Variants in DSCAM observed in about 807,000 individuals in gnomAD.
DSCAM encodes the protein cell adhesion molecule DSCAM.
In DSCAM, 47 loss-of-function variants were observed where a neutral mutation model predicts 217.7. The ratio of observed to expected loss-of-function variants is 0.22; its 90% CI spans 0.17 to 0.28. The LOEUF is 0.28. DSCAM is among the 10% of genes least tolerant of loss of function. The pLI is 1.00. For missense variants in DSCAM, 2,080 were observed against 2,618.3 expected (o/e 0.79, Z 4.49); for synonymous variants, 1,056 against 1,015.3 (o/e 1.04, Z -0.76).
chr21:40,048,164 A>G (rs28701818), intron 30 of DSCAM, among the ~76,000 whole-genome samples: 2,089 of 152,310 alleles, frequency 0.014, 45 homozygotes, highest in African/African-American at 0.047. Context: ...ACCCACGTTA[A>G]GAGCTGTCCT....
chr21:40,564,462 T>C (rs907121269), intron 3 of DSCAM, among the ~76,000 whole-genome samples: 3 of 152,180 alleles, frequency 2.0e-5, no homozygotes, highest in African/African-American at 7.2e-5. Flanking sequence ...TTACTCAGCG[T>C]TGACCTCCCA....
At chr21:40,271,255 G>T (rs532627423) in intron 11 of DSCAM, among the ~76,000 whole-genome samples, 1 of 152,340 alleles carries the variant, frequency 6.6e-6, no homozygotes, top group South Asian at 2.1e-4. Context: ...AACTTTGGGA[G>T]CTTGGGGGTT....
At chr21:40,780,836 C>G (rs2091537064) in intron 1 of DSCAM, among the ~76,000 whole-genome samples, 1 of 152,016 alleles carries the variant, frequency 6.6e-6, no homozygotes, top group Non-Finnish European at 1.5e-5. Flanking sequence ...AGCCACTAGT[C>G]TGAAGTACTT....
In DSCAM at chr21:40,179,043, G is replaced by A. The variant is rs776917269; in HGVS notation, c.2831C>T (p.Ser944Leu). 22 of 1,613,952 alleles carry A rather than the reference G, an allele frequency of 1.4e-5. No individual in the cohort carries two copies. The highest frequency in any genetic ancestry group is 1.9e-5 in the Non-Finnish European group (22 of 1,180,024). Residue 944 changes from serine to leucine, a missense_variant, in exon 15 of 33, where the codon TCG becomes TTG. Transcript: ENST00000400454. ...RTKDVSPQLN[S>L]ATIIDIHPSS... The stretch of plus-strand genomic sequence containing the variant: ...AGGGTGGATATCAATGATGGTGGCC[G>A]AGTTCAGCTGAGGGGAAACATCTTT...
At chr21:40,774,271 A>G (rs763278656) in intron 1 of DSCAM, among the ~76,000 whole-genome samples, 1 of 152,262 alleles carries the variant, frequency 6.6e-6, no homozygotes, top group Non-Finnish European at 1.5e-5. Context: ...AGCATAATTC[A>G]TAGTGGAAAG....
At chr21:40,348,165 A>G (rs369872904) in intron 5 of DSCAM, among the ~76,000 whole-genome samples, 4 of 152,270 alleles carry the variant, frequency 2.6e-5, no homozygotes, top group Admixed American at 6.5e-5. Flanking sequence ...TATTGCAATC[A>G]TACTCCACAC....
chr21:40,317,338 C>T (rs967840126), intron 8 of DSCAM, among the ~76,000 whole-genome samples: 2 of 152,196 alleles, frequency 1.3e-5, no homozygotes, highest in African/African-American at 4.8e-5. Flanking sequence ...TAAGCGGTTC[C>T]TCTACTCACT....
At chr21:40,618,025 T>C (rs2089428167) in intron 3 of DSCAM, among the ~76,000 whole-genome samples, 1 of 152,226 alleles carries the variant, frequency 6.6e-6, no homozygotes, top group Admixed American at 6.5e-5. Context: ...ATAGGAATTG[T>C]CAGGTCTGCT....
intron 4 of DSCAM, 128 bp downstream of exon 4, chr21:40,368,971 A>C: frequency 9.3e-7 from 1 of 1,079,468 alleles, no homozygotes; most frequent in Non-Finnish European, 1.3e-6. Flanking sequence ...TAAAATTCCT[A>C]AAATATTTTG....
At chr21:40,227,304 T>A (rs2091342025) in intron 11 of DSCAM, among the ~76,000 whole-genome samples, 1 of 152,218 alleles carries the variant, frequency 6.6e-6, no homozygotes, top group Admixed American at 6.5e-5. Flanking sequence ...AGGTGCATCC[T>A]GTGAGAATCA....
intron 3 of DSCAM, among the ~76,000 whole-genome samples, chr21:40,682,191 G>A (rs754818773): frequency 3.5e-5 from 4 of 115,772 alleles, no homozygotes; most frequent in Non-Finnish European, 7.4e-5. Context: ...GTGGCCAGAG[G>A]GATGCGGGGG....
chr21:40,494,002 A>G (rs1156509072), intron 3 of DSCAM, among the ~76,000 whole-genome samples: 1 of 151,780 alleles, frequency 6.6e-6, no homozygotes, highest in Non-Finnish European at 1.5e-5. Context: ...TAAGCCACCT[A>G]TGTAATCCTC....
intron 3 of DSCAM, among the ~76,000 whole-genome samples, chr21:40,684,996 A>G (rs1305619527): frequency 2.6e-5 from 4 of 152,212 alleles, no homozygotes; most frequent in Non-Finnish European, 2.9e-5. Context: ...CTCCATTTAC[A>G]CTTAGGTGGA....
At position 40,567,291 on chromosome 21, in the gene DSCAM, C is replaced by T. The variant is rs372823654; in HGVS notation, c.508+125519G>A. Among the ~76,000 whole-genome samples the T allele has an allele frequency of 1.2e-4, 18 of 152,318 alleles. 1 individual carries two copies. Among genetic ancestry groups the T allele is most frequent in the South Asian group, 4.1e-4 (2 of 4,830 alleles). On this transcript the variant is annotated intron_variant, in intron 3 of 32. Coordinates refer to ENST00000400454, the MANE Select transcript of DSCAM (RefSeq NM_001389.5). ...GGTCTTCCACCACCCATTAATTGAA[C>T]GGCCTTTGTGCAAGGTAGCTAGCTG...
chr21:40,620,424 G>GAGGGAGGGGGAAGGGAGGGAA (rs2089494696), intron 3 of DSCAM, among the ~76,000 whole-genome samples: 1 of 138,966 alleles, frequency 7.2e-6, no homozygotes, highest in Non-Finnish European at 1.5e-5. Context: ...AGGGAGAGAA[G>GAGGGAGGGGGAAGGGAGGGAA]AGGGAGGGGG....
chr21:40,433,742 GGATGATGTCACCTGAGGTA>G (rs1426090314), intron 3 of DSCAM, among the ~76,000 whole-genome samples: 1 of 152,102 alleles, frequency 6.6e-6, no homozygotes, highest in Non-Finnish European at 1.5e-5. Flanking sequence ...CACCTGAAGT[GGATGATGTCACCTGAGGTA>G]GATGATGTCA....
intron 15 of DSCAM, among the ~76,000 whole-genome samples, chr21:40,169,498 AT>A (rs964922645): frequency 6.6e-6 from 1 of 152,104 alleles, no homozygotes; most frequent in Non-Finnish European, 1.5e-5. Context: ...CTCCAAGAGG[AT>A]AATGGGACTC....
intron 3 of DSCAM, among the ~76,000 whole-genome samples, chr21:40,537,847 T>C (rs2076511450): frequency 6.6e-6 from 1 of 152,158 alleles, no homozygotes; most frequent in African/African-American, 2.4e-5. Flanking sequence ...TACATTTCTG[T>C]CACTGGCTGT....
At chr21:40,842,264 C>T (rs1475528048) in intron 1 of DSCAM, among the ~76,000 whole-genome samples, 1 of 152,220 alleles carries the variant, frequency 6.6e-6, no homozygotes, top group Admixed American at 6.5e-5. Context: ...CCCACACGCG[C>T]TTGTTTGTGT....
Sources: gnomAD v4.1 joint callset for allele counts (sites outside exome capture counted in the v4.1 genomes callset) on GRCh38, gnomAD v4.1.1 for gene constraint, MANE v1.5 for transcripts, NCBI Gene and HGNC (gene_info 2026-07-23, HGNC 2026-07-21) for gene names.